Variants in NDST1 observed in about 807,000 individuals in gnomAD.
NDST1 encodes the protein bifunctional heparan sulfate N-deacetylase/N-sulfotransferase 1.
A neutral mutation model predicts 92.8 loss-of-function variants in NDST1; 35 were observed. The ratio of observed to expected loss-of-function variants is 0.38; its 90% CI spans 0.29 to 0.50. The LOEUF (loss-of-function observed/expected upper bound fraction) is 0.50, where lower values mean the gene tolerates loss of function less well. NDST1 is among the 20% of genes least tolerant of loss of function. The pLI is 0.94. For missense variants in NDST1, 822 were observed against 1,182.7 expected, an observed-to-expected ratio of 0.69 and a Z score of 4.47; for synonymous variants, 493 against 500.3, an observed-to-expected ratio of 0.99 and a Z score of 0.19.
In NDST1 at chr5:150,540,376, G is replaced by A. The variant is rs992640844; in HGVS notation, c.1749+112G>A. The A allele has an allele frequency of 3.0e-5, 36 of 1,184,376 alleles. 1 individual carries two copies. The Middle Eastern group carries it at 1.5e-3, about 48-fold the overall frequency. The allele number at this position is 1,184,376 out of a possible 1,614,324, so 73.4% of individuals were successfully genotyped here. On this transcript the variant is annotated intron_variant, in intron 8 of 14. Coordinates refer to ENST00000261797, the MANE Select transcript of NDST1 (RefSeq NM_001543.5). ...TCAGCCATCATGCCTTCACACTCTC[G>A]CTCGAATGTAAACTCAGGTCCCCAT...
chr5:150,498,420 A>C (rs957310503), intron 1 of NDST1, among the ~76,000 whole-genome samples: 6 of 152,236 alleles, frequency 3.9e-5, no homozygotes, highest in African/African-American at 1.4e-4. Flanking sequence ...GAATTTGCTG[A>C]GTGATCTTGT....
intron 4 of NDST1, among the ~76,000 whole-genome samples, chr5:150,533,456 G>A (rs1754837146): frequency 6.6e-6 from 1 of 152,232 alleles, no homozygotes; most frequent in South Asian, 2.1e-4. Flanking sequence ...CAGTGTCATG[G>A]GTTTATTTTA....
chr5:150,499,668 C>T (rs985185609), intron 1 of NDST1, among the ~76,000 whole-genome samples: 2 of 152,222 alleles, frequency 1.3e-5, no homozygotes, highest in Non-Finnish European at 1.5e-5. Flanking sequence ...TCTGGGTCAG[C>T]CTGCTCTGTG....
At chr5:150,535,071 T>C in intron 5 of NDST1, 50 bp downstream of exon 5, 1 of 1,579,448 alleles carries the variant, frequency 6.3e-7, no homozygotes, top group Non-Finnish European at 8.6e-7. Context: ...AGGGCTGGGC[T>C]GGAGGTCCAG....
chr5:150,539,632 G>A (rs1278125956), intron 7 of NDST1: 2 of 985,246 alleles, frequency 2.0e-6, no homozygotes, highest in South Asian at 4.7e-5. Context: ...GCTCATGTGT[G>A]TATACACACA....
At chr5:150,503,416 A>C (rs1280339863), upstream of NDST1, among the ~76,000 whole-genome samples, 2 of 152,232 alleles carry the variant, frequency 1.3e-5, no homozygotes, top group Non-Finnish European at 2.9e-5. Flanking sequence ...ATTGCACTCC[A>C]GCCTGGGCAA....
chr5:150,534,841 G>T lies in NDST1; in HGVS notation c.1097-26G>T. On this transcript the variant is annotated intron_variant, in intron 4 of 14. Coordinates refer to ENST00000261797, the MANE Select transcript of NDST1 (RefSeq NM_001543.5). ...AGAGGGCCTCATGGCCCAGTGGGTG[G>T]TTCTGAGCTGCCTGTGTTGCTGCAG... 3.7e-6 allele frequency: 6 copies of T among 1,614,250 alleles called. No individual in the cohort carries two copies. The South Asian group carries it at 4.4e-5, about 12-fold the overall frequency.
rs534007607 is a variant in NDST1 at position 150,535,364 on chromosome 5, C to T, written c.1252-336C>T. ...AGGTGGTCAATGAGGAGGGAACGAG[C>T]CCTAGGTGCTAGGTAGAATGAAGAG... On this transcript the variant is annotated intron_variant, in intron 5 of 14. Coordinates refer to ENST00000261797, the MANE Select transcript of NDST1 (RefSeq NM_001543.5). 20 of 985,380 alleles carry T rather than the reference C, an allele frequency of 2.0e-5. 1 individual carries two copies. The South Asian group carries it at 7.5e-4, about 37-fold the overall frequency. 61.0% of individuals were successfully genotyped at this position (985,380 alleles called of 1,614,324 possible).
At position 150,539,875 on chromosome 5, in the gene NDST1, G is replaced by C. The variant is rs1755166895; in HGVS notation, c.1567-207G>C. 3 of 872,702 alleles carry C rather than the reference G, an allele frequency of 3.4e-6. No homozygotes were observed. In the South Asian group the frequency reaches 1.6e-4, roughly 46 times the overall value. 54.1% of individuals were successfully genotyped at this position (872,702 alleles called of 1,614,324 possible). A position where few individuals can be genotyped will look rare whatever the true frequency, so the allele number is the denominator to read the frequency against. On this transcript the variant is annotated intron_variant, in intron 7 of 14. Coordinates refer to ENST00000261797, the MANE Select transcript of NDST1 (RefSeq NM_001543.5). The stretch of plus-strand genomic sequence containing the variant: ...ACATTGGGTCTGCTTTCCATTTCAG[G>C]ATTGTAATATTTGGGGTCAGTCAGG...
upstream of NDST1, among the ~76,000 whole-genome samples, chr5:150,504,992 C>G (rs1396990256): frequency 6.6e-6 from 1 of 152,212 alleles, no homozygotes; most frequent in Non-Finnish European, 1.5e-5. Flanking sequence ...CACTTATCCT[C>G]TGGAAACCCC....
Position 150,553,277 on chromosome 5 carries a change from A to G in NDST1, c.2594A>G (p.Lys865Arg). Residue 865 changes from lysine to arginine, a missense_variant, in exon 15 of 15, where the codon AAG (lysine) becomes AGG (arginine). By Grantham distance (26) the Lys-to-Arg change is conservative (BLOSUM62 2). Coordinates refer to ENST00000261797, the MANE Select transcript of NDST1 (RefSeq NM_001543.5). The surrounding 1 kb of genome is among the most constrained non-coding windows in gnomAD (Gnocchi z 4.2). Reference protein sequence around the residue: ...HNIELSKLLYKMGQTLPTWLR... With the variant: ...HNIELSKLLYRMGQTLPTWLR... Reference sequence around the variant, plus strand: ...ATCGAGCTCTCCAAGCTGCTGTATAAGATGGGCCAGACACTTCCCACTTGG... The same window carrying G: ...ATCGAGCTCTCCAAGCTGCTGTATAGGATGGGCCAGACACTTCCCACTTGG... The G allele has an allele frequency of 6.2e-7, 1 of 1,613,934 alleles. No homozygotes were observed. The highest frequency in any genetic ancestry group is 8.5e-7 in the Non-Finnish European group (1 of 1,179,862).
intron 6 of NDST1, among the ~76,000 whole-genome samples, chr5:150,538,881 T>C (rs1755111257): frequency 6.6e-6 from 1 of 152,230 alleles, no homozygotes; most frequent in African/African-American, 2.4e-5. Flanking sequence ...GAGGTTCTAA[T>C]GTTGCAAGGG....
chr5:150,508,996 A>G (rs1317065369), intron 1 of NDST1, among the ~76,000 whole-genome samples: 2 of 152,184 alleles, frequency 1.3e-5, no homozygotes, highest in Non-Finnish European at 2.9e-5. Context: ...TCTTCCTGCC[A>G]GCATTCTGCC....
At chr5:150,538,251 G>A (rs570445852) in intron 6 of NDST1, among the ~76,000 whole-genome samples, 2 of 152,326 alleles carry the variant, frequency 1.3e-5, no homozygotes, top group South Asian at 2.1e-4. Flanking sequence ...GGACCAGATC[G>A]ATAGGGCCAT....
In NDST1 at chr5:150,556,533, T is replaced by A. The variant is rs772236770; in HGVS notation, c.*3201T>A. Reference sequence around the variant, plus strand: ...CAATGTTTTACCAAACATTTAATTATGAATGCCCACTCCCCAGCATCTAGA... The same window carrying A: ...CAATGTTTTACCAAACATTTAATTAAGAATGCCCACTCCCCAGCATCTAGA... On this transcript the variant is annotated 3_prime_UTR_variant, in exon 15 of 15. Coordinates refer to ENST00000261797, the MANE Select transcript of NDST1 (RefSeq NM_001543.5). 1 of 152,240 alleles carries A rather than the reference T, an allele frequency of 6.6e-6. No individual in the cohort carries two copies. The highest frequency in any genetic ancestry group is 1.5e-5 in the Non-Finnish European group (1 of 68,052). 9.4% of individuals were successfully genotyped at this position (152,240 alleles called of 1,614,324 possible). A position where few individuals can be genotyped will look rare whatever the true frequency, so the allele number is the denominator to read the frequency against.
At position 150,553,810 on chromosome 5, in the gene NDST1, A is replaced by T; in HGVS notation, c.*478A>T. The T allele has an allele frequency of 2.2e-6, 1 of 457,616 alleles. No homozygotes were observed. The highest frequency in any genetic ancestry group is 3.3e-5 in the South Asian group (1 of 30,472). The allele number at this position is 457,616 out of a possible 1,614,324, so 28.3% of individuals were successfully genotyped here. ...TCGAGCCAGGCTCTTCCAAGGGGCC[A>T]GCTGGGTCCCCGGAGTCAGTCCTAG... On this transcript the variant is annotated 3_prime_UTR_variant, in exon 15 of 15. Coordinates refer to ENST00000261797, the MANE Select transcript of NDST1 (RefSeq NM_001543.5). This position sits in a 1 kb window ranked among gnomAD's most constrained non-coding sequence, Gnocchi z 4.2.
In NDST1 at chr5:150,555,898, G is replaced by C. The variant is rs1755859501; in HGVS notation, c.*2566G>C. On this transcript the variant is annotated 3_prime_UTR_variant, in exon 15 of 15. Transcript: ENST00000261797. ...AGCCTGGAGACTGGACCTGCCACAT[G>C]TTCCAAGTCTGTCTGCCTAGGTCAC... The C allele has an allele frequency of 6.6e-6, 1 of 152,340 alleles. No homozygotes were observed. Among genetic ancestry groups the C allele is most frequent in the Non-Finnish European group, 1.5e-5 (1 of 68,148 alleles). The allele number at this position is 152,340 out of a possible 1,614,324, so 9.4% of individuals were successfully genotyped here.
chr5:150,532,111 G>A (rs2151284512), intron 3 of NDST1, among the ~76,000 whole-genome samples: 1 of 152,314 alleles, frequency 6.6e-6, no homozygotes, highest in South Asian at 2.1e-4. Flanking sequence ...CAGATGTGAG[G>A]CAGTTTTACG....
chr5:150,540,287 C>T (rs1428209882), intron 8 of NDST1, 23 bp downstream of exon 8: 3 of 1,580,404 alleles, frequency 1.9e-6, no homozygotes, highest in Non-Finnish European at 2.6e-6. Context: ...GCAGCCTGGG[C>T]AGGTTGCTAC....
Sources: allele counts gnomAD v4.1 joint callset (sites outside exome capture counted in the v4.1 genomes callset), GRCh38; gene constraint gnomAD v4.1.1; non-coding constraint Gnocchi (gnomAD v3.1); transcripts MANE v1.5; gene names NCBI Gene and HGNC (gene_info 2026-07-23, HGNC 2026-07-21).